BMPR1B: variants seen among roughly 807,000 people sequenced by gnomAD.
BMPR1B encodes the protein bone morphogenetic protein receptor type-1B.
BMPR1B carries 12 observed loss-of-function variants against 59.1 expected under a neutral mutation model. The ratio of observed to expected loss-of-function variants is 0.20; its 90% CI spans 0.13 to 0.33. BMPR1B has a LOEUF of 0.33. Among genes scored for constraint, BMPR1B ranks in the 10% least tolerant of loss-of-function variants. BMPR1B has a pLI of 1.00. For missense variants in BMPR1B, 550 were observed against 610.9 expected, an observed-to-expected ratio of 0.90 and a Z score of 1.05; for synonymous variants, 237 against 207.3, an observed-to-expected ratio of 1.14 and a Z score of -1.23.
At chr4:94,899,893 A>G (rs1727739389) in intron 2 of BMPR1B, among the ~76,000 whole-genome samples, 2 of 152,010 alleles carry the variant, frequency 1.3e-5, no homozygotes, top group Admixed American at 1.3e-4. Context: ...CACACATGGT[A>G]CAATTATAGT....
intron 3 of BMPR1B, among the ~76,000 whole-genome samples, chr4:95,072,867 A>G (rs1390092232): frequency 2.0e-5 from 3 of 152,144 alleles, no homozygotes; most frequent in Non-Finnish European, 4.4e-5. Context: ...AAGTATTCTG[A>G]ATTTGGTTCA....
At chr4:94,951,637 A>G (rs753814297) in intron 2 of BMPR1B, among the ~76,000 whole-genome samples, 32 of 152,038 alleles carry the variant, frequency 2.1e-4, no homozygotes, top group Non-Finnish European at 3.8e-4. Context: ...AAGGTTTGTG[A>G]TGTGCTGCTG....
chr4:94,857,877 A>G (rs1022539161), intron 1 of BMPR1B, among the ~76,000 whole-genome samples: 16 of 152,250 alleles, frequency 1.1e-4, no homozygotes, highest in African/African-American at 3.4e-4. Flanking sequence ...AATGACAAAA[A>G]TATATTTTTG....
At chr4:94,884,740 T>C (rs1168838943) in intron 2 of BMPR1B, among the ~76,000 whole-genome samples, 2 of 152,176 alleles carry the variant, frequency 1.3e-5, no homozygotes, top group African/African-American at 2.4e-5. Flanking sequence ...AATGCAGCAA[T>C]GCCCCCAAAC....
chr4:94,842,271 C>T (rs1010362838), intron 1 of BMPR1B, among the ~76,000 whole-genome samples: 5 of 151,968 alleles, frequency 3.3e-5, no homozygotes, highest in Admixed American at 3.3e-4. Flanking sequence ...ACTTCAAATA[C>T]CTCTTTATAC....
At chr4:94,791,195 G>C (rs1268920049) in intron 1 of BMPR1B, among the ~76,000 whole-genome samples, 2 of 152,038 alleles carry the variant, frequency 1.3e-5, no homozygotes, top group East Asian at 3.9e-4. Context: ...CACCATGTTG[G>C]CCAGGCTGGT....
At chr4:95,014,386 T>C in intron 3 of BMPR1B, among the ~76,000 whole-genome samples, 1 of 152,190 alleles carries the variant, frequency 6.6e-6, no homozygotes, top group Non-Finnish European at 1.5e-5. Flanking sequence ...AAAAGCAATC[T>C]TTTCTAGGGT....
intron 1 of BMPR1B, among the ~76,000 whole-genome samples, chr4:94,834,710 A>G (rs1469352210): frequency 1.3e-5 from 2 of 152,104 alleles, no homozygotes; most frequent in African/African-American, 2.4e-5. Flanking sequence ...AGTGTTTTAC[A>G]CTTTCTGGAT....
intron 2 of BMPR1B, among the ~76,000 whole-genome samples, chr4:94,964,697 G>C (rs1477179569): frequency 6.6e-6 from 1 of 152,162 alleles, no homozygotes; most frequent in Non-Finnish European, 1.5e-5. Context: ...GGAAACCACT[G>C]TTAGAATGGA....
At chr4:95,010,215 C>T (rs535656859) in intron 3 of BMPR1B, among the ~76,000 whole-genome samples, 2 of 152,110 alleles carry the variant, frequency 1.3e-5, no homozygotes, top group East Asian at 1.9e-4. Flanking sequence ...ATCTCAGACC[C>T]CCCAAATTAA....
intron 2 of BMPR1B, among the ~76,000 whole-genome samples, chr4:94,992,497 A>G (rs1341727378): frequency 6.6e-6 from 1 of 152,232 alleles, no homozygotes; most frequent in Non-Finnish European, 1.5e-5. Context: ...ACTTAGTAAC[A>G]CTAAGCCTCA....
intron 1 of BMPR1B, among the ~76,000 whole-genome samples, chr4:94,799,179 T>C (rs777086754): frequency 6.7e-6 from 1 of 149,694 alleles, no homozygotes; most frequent in Non-Finnish European, 1.5e-5. Flanking sequence ...TGAGAACTTA[T>C]TCTCTGTGTT....
chr4:94,996,855 C>T (rs1252221200), intron 3 of BMPR1B, among the ~76,000 whole-genome samples: 1 of 152,194 alleles, frequency 6.6e-6, no homozygotes, highest in African/African-American at 2.4e-5. Context: ...TTTCTCCTGT[C>T]ATCACAGGTA....
chr4:95,114,478 C>A (rs1241882590), intron 4 of BMPR1B, among the ~76,000 whole-genome samples: 1 of 152,030 alleles, frequency 6.6e-6, no homozygotes, highest in African/African-American at 2.4e-5. Context: ...AATGTTAGAT[C>A]CTTCTTTTTC....
intron 3 of BMPR1B, among the ~76,000 whole-genome samples, chr4:95,064,161 G>A (rs539810831): frequency 7.2e-5 from 11 of 151,878 alleles, no homozygotes; most frequent in African/African-American, 2.7e-4. Context: ...AAAAGCAAAA[G>A]CAATAATAGA....
At chr4:95,108,408 G>A (rs1323825488) in intron 4 of BMPR1B, among the ~76,000 whole-genome samples, 1 of 152,108 alleles carries the variant, frequency 6.6e-6, no homozygotes, top group Non-Finnish European at 1.5e-5. Flanking sequence ...GTCAAACTGA[G>A]TGTTGTGGTA....
chr4:94,906,439 A>G (rs1237045185), intron 2 of BMPR1B, among the ~76,000 whole-genome samples: 1 of 152,102 alleles, frequency 6.6e-6, no homozygotes, highest in Admixed American at 6.6e-5. Flanking sequence ...ATTCACTCTT[A>G]AGGGGCAACA....
intron 12 of BMPR1B, 36 bp from the exon 13 acceptor site, chr4:95,154,512 C>A (rs964217796): frequency 6.2e-7 from 1 of 1,613,572 alleles, no homozygotes; most frequent in Admixed American, 1.7e-5. Context: ...GCCAGCCTTG[C>A]AGATGATACA....
intron 3 of BMPR1B, among the ~76,000 whole-genome samples, chr4:95,083,275 G>A (rs1245938226): frequency 6.6e-6 from 1 of 151,742 alleles, no homozygotes; most frequent in Non-Finnish European, 1.5e-5. Context: ...AAGCCTCTTT[G>A]GCAAGAACTG....
Sources: gnomAD v4.1 joint callset for allele counts (sites outside exome capture counted in the v4.1 genomes callset) on GRCh38, gnomAD v4.1.1 for gene constraint, MANE v1.5 for transcripts, NCBI Gene and HGNC (gene_info 2026-07-23, HGNC 2026-07-21) for gene names.